The following NSD3 variants were observed in gnomAD, a reference collection of about 807,000 sequenced individuals.
NSD3 encodes nuclear receptor binding SET domain protein 3, also known as histone-lysine N-methyltransferase NSD3.
NSD3 carries 24 observed loss-of-function variants against 160.8 expected under a neutral mutation model. The observed-to-expected ratio is 0.15, with a 90% CI of 0.11 to 0.21. The LOEUF is 0.21. Among genes scored for constraint, NSD3 ranks in the 10% least tolerant of loss-of-function variants. NSD3 has a pLI of 1.00. For synonymous variants in NSD3, 520 were observed against 600.0 expected (o/e 0.87, Z 1.95); for missense variants, 1,157 against 1,735.9 (o/e 0.67, Z 5.93).
rs2150379304 is a variant in NSD3, at chr8:38,338,517, A to G, written c.747+19T>C. 1 of 1,600,392 alleles carries G rather than the reference A, an allele frequency of 6.2e-7. No individual in the cohort carries two copies. The highest frequency in any genetic ancestry group is 1.3e-5 in the African/African-American group (1 of 74,766). ...CTTCCACCATATTTGGTTAGACAGT[A>G]TTCAGTAAAACAACTTACTGGGGCT... On this transcript the variant is annotated intron_variant, in intron 3 of 23. Coordinates refer to ENST00000317025, the MANE Select transcript of NSD3 (RefSeq NM_023034.2).
chr8:38,381,256 C>T (rs1423396428), intron 1 of NSD3, among the ~76,000 whole-genome samples: 2 of 151,950 alleles, frequency 1.3e-5, no homozygotes, highest in African/African-American at 4.8e-5. Flanking sequence ...CTATTGCAGC[C>T]TGCCTCATCC....
chr8:38,360,916 G>C (rs1007491581), intron 1 of NSD3, among the ~76,000 whole-genome samples: 1 of 152,074 alleles, frequency 6.6e-6, no homozygotes. Context: ...ATAAACTCAA[G>C]ATGTATCAAC....
rs1811029794 is a variant in NSD3, at chr8:38,363,289, T to C, written c.-44-15074A>G. ...CCCAACATAATCACAAGGATCCTTA[T>C]CATCCTTTTGGTGGGAAGGATCAGA... On this transcript the variant is annotated intron_variant, in intron 1 of 23. Coordinates refer to ENST00000317025, the MANE Select transcript of NSD3 (RefSeq NM_023034.2). 3.3e-5 allele frequency among the ~76,000 whole-genome samples: 5 copies of C among 152,316 alleles called. No individual in the cohort carries two copies. In the South Asian group the frequency reaches 1.0e-3, roughly 32 times the overall value.
intron 1 of NSD3, among the ~76,000 whole-genome samples, chr8:38,350,494 G>A (rs916980320): frequency 6.6e-6 from 1 of 152,146 alleles, no homozygotes; most frequent in Admixed American, 6.5e-5. Context: ...CTTTTGAGAC[G>A]TATCTGTTCA....
chr8:38,311,849 A>C (rs1809542255), intron 12 of NSD3, among the ~76,000 whole-genome samples: 2 of 152,196 alleles, frequency 1.3e-5, no homozygotes, highest in South Asian at 4.1e-4. Flanking sequence ...CATGTATATG[A>C]AATCACTGCC....
chr8:38,286,325 A>G (rs952127076), intron 19 of NSD3, among the ~76,000 whole-genome samples: 9 of 152,058 alleles, frequency 5.9e-5, no homozygotes, highest in Non-Finnish European at 1.2e-4. Flanking sequence ...ACACACCCCA[A>G]AACAAAAACA....
chr8:38,305,484 A>G (rs370918326), intron 12 of NSD3, 39 bp from the exon 13 acceptor site: 1 of 1,601,886 alleles, frequency 6.2e-7, no homozygotes, highest in East Asian at 2.2e-5. Context: ...AATAAAATTG[A>G]CTAAAGCATA....
chr8:38,325,559 C>G (rs1471241376), intron 7 of NSD3, among the ~76,000 whole-genome samples: 1 of 152,118 alleles, frequency 6.6e-6, no homozygotes, highest in Non-Finnish European at 1.5e-5. Context: ...CTCTAAAATC[C>G]TTAGTAAGTT....
intron 1 of NSD3, among the ~76,000 whole-genome samples, chr8:38,354,360 C>T (rs1469252187): frequency 2.6e-5 from 4 of 152,156 alleles, no homozygotes; most frequent in Non-Finnish European, 5.9e-5. Flanking sequence ...TAATACAATG[C>T]ATGAACTTTG....
At chr8:38,371,854 G>A (rs1811249665) in intron 1 of NSD3, among the ~76,000 whole-genome samples, 1 of 152,122 alleles carries the variant, frequency 6.6e-6, no homozygotes, top group Non-Finnish European at 1.5e-5. Flanking sequence ...TGGGAAAAAA[G>A]CATTCAAATT....
rs1374124695 is a variant in NSD3, at chr8:38,295,869, T to C, written c.2842A>G (p.Asn948Asp). Residue 948 changes from asparagine to aspartate, a missense_variant, in exon 16 of 24, where the codon AAT becomes GAT. Physicochemically the swap from Asn to Asp is conservative, Grantham distance 23. Around this residue, in one of 10 missense-constraint regions of NSD3, gnomAD observed 437 missense variants for 576.6 expected, o/e 0.76. Transcript: ENST00000317025. ...TTGCCAGCTTTACAGTCATTACAAT[T>C]CCAGCAGCCTTCTGGCATTTCTATG... ...LSIEMPEGCW[N>D]CNDCKAGKKL... The C allele has an allele frequency of 6.2e-7, 1 of 1,614,176 alleles. No individual in the cohort carries two copies. Among genetic ancestry groups the C allele is most frequent in the East Asian group, 2.2e-5 (1 of 44,876 alleles).
At chr8:38,372,070 G>C (rs1431719479) in intron 1 of NSD3, among the ~76,000 whole-genome samples, 1 of 152,158 alleles carries the variant, frequency 6.6e-6, no homozygotes, top group Admixed American at 6.5e-5. Context: ...TTACTTCTCA[G>C]GTTAATACTT....
intron 1 of NSD3, among the ~76,000 whole-genome samples, chr8:38,376,827 T>TA (rs111834036): frequency 6.6e-6 from 1 of 152,224 alleles, no homozygotes; most frequent in African/African-American, 2.4e-5. Flanking sequence ...TTCACTTCCA[T>TA]AGGCCTCAGT....
intron 2 of NSD3, among the ~76,000 whole-genome samples, chr8:38,345,745 G>GAA (rs773179138): frequency 5.1e-5 from 7 of 136,710 alleles, no homozygotes; most frequent in Non-Finnish European, 6.4e-5. Flanking sequence ...GTCTCTACTT[G>GAA]AAAAAAAAAA....
rs561172679 is a variant in NSD3, at chr8:38,332,274, A to C, written c.911-689T>G. ...GTTCTTATTTTTAAATAAATCAATA[A>C]ATATTTTGAAATTTTCTCAGCTTTA... On this transcript the variant is annotated intron_variant, in intron 4 of 23. Coordinates refer to ENST00000317025, the MANE Select transcript of NSD3 (RefSeq NM_023034.2). Among the ~76,000 whole-genome samples, 2 of 151,586 alleles carry C rather than the reference A, an allele frequency of 1.3e-5. 1 individual carries two copies. Among genetic ancestry groups the C allele is most frequent in the East Asian group, 3.9e-4 (2 of 5,152 alleles).
At chr8:38,286,124 G>A (rs1218315809) in intron 19 of NSD3, among the ~76,000 whole-genome samples, 2 of 152,124 alleles carry the variant, frequency 1.3e-5, no homozygotes, top group Non-Finnish European at 2.9e-5. Context: ...AATATGGCAT[G>A]GGTGACGGGG....
chr8:38,312,686 C>A (rs1809562575), intron 12 of NSD3, among the ~76,000 whole-genome samples: 1 of 152,112 alleles, frequency 6.6e-6, no homozygotes, highest in African/African-American at 2.4e-5. Flanking sequence ...TCTCTTGCTC[C>A]TGCTTTTGCC....
intron 15 of NSD3, among the ~76,000 whole-genome samples, chr8:38,298,558 G>A (rs1410215048): frequency 6.6e-6 from 1 of 151,820 alleles, no homozygotes; most frequent in Non-Finnish European, 1.5e-5. Context: ...GTGTGTGTGT[G>A]TATAGAGTAT....
intron 4 of NSD3, among the ~76,000 whole-genome samples, chr8:38,334,968 G>T (rs919577771): frequency 6.6e-6 from 1 of 150,976 alleles, no homozygotes; most frequent in Non-Finnish European, 1.5e-5. Context: ...CTGCCTGGGG[G>T]TACCAGGCTA....
Sources: allele counts gnomAD v4.1 joint callset (sites outside exome capture counted in the v4.1 genomes callset), GRCh38; gene constraint gnomAD v4.1.1; regional missense constraint gnomAD v4.1.1; transcripts MANE v1.5; gene names NCBI Gene and HGNC (gene_info 2026-07-23, HGNC 2026-07-21).